Variants in OSBPL10 observed in about 807,000 individuals in gnomAD.
The protein encoded by OSBPL10 is oxysterol binding protein like 10.
In OSBPL10, 49 loss-of-function variants were observed where a neutral mutation model predicts 81.7. That is an observed-to-expected ratio of 0.60 (90% CI 0.48 to 0.76). The LOEUF (loss-of-function observed/expected upper bound fraction) is 0.76. Among genes scored for constraint, OSBPL10 ranks in the 30% least tolerant of loss-of-function variants. The pLI is 0.00. For missense variants in OSBPL10, 923 were observed against 987.8 expected, an observed-to-expected ratio of 0.93 and a Z score of 0.88; for synonymous variants, 419 against 383.6, an observed-to-expected ratio of 1.09 and a Z score of -1.08.
intron 1 of OSBPL10, among the ~76,000 whole-genome samples, chr3:32,071,114 T>C (rs967723123): frequency 6.6e-6 from 1 of 152,224 alleles, no homozygotes; most frequent in African/African-American, 2.4e-5. Context: ...ACATTTATTC[T>C]CCAAGGGATA....
Position 31,866,606 on chromosome 3 carries a change from C to T in OSBPL10, c.537+9827G>A, listed in dbSNP as rs140488483. On this transcript the variant is annotated intron_variant, in intron 3 of 11. Transcript: ENST00000396556. ...CCCCTACATGCTTGGGGAGTATAGA[C>T]GCCATGACAAAGGCGGGGGAGGAGA... 3.0e-4 allele frequency among the ~76,000 whole-genome samples: 46 copies of T among 152,234 alleles called. 1 individual carries two copies. The East Asian group carries it at 8.1e-3, about 27-fold the overall frequency.
At chr3:31,766,328 TG>T (rs1258897532) in intron 4 of OSBPL10, among the ~76,000 whole-genome samples, 4,129 of 126,792 alleles carry the variant, frequency 0.033, 305 homozygotes, top group Middle Eastern at 0.055. Context: ...GTAGTTTTTT[TG>T]TTTTTTTGTT....
intron 1 of OSBPL10, among the ~76,000 whole-genome samples, chr3:31,962,242 C>A (rs1266418854): frequency 6.6e-6 from 1 of 152,166 alleles, no homozygotes; most frequent in Non-Finnish European, 1.5e-5. Context: ...CAGGTGGGAG[C>A]CACCGCGCCT....
chr3:31,868,893 AT>A (rs1184575350), intron 3 of OSBPL10, among the ~76,000 whole-genome samples: 6 of 152,314 alleles, frequency 3.9e-5, no homozygotes, highest in African/African-American at 1.4e-4. Context: ...ACTTTTGTTG[AT>A]TTTGAATGAT....
intron 4 of OSBPL10, chr3:31,797,986 T>C (rs913061129): frequency 9.7e-6 from 3 of 310,706 alleles, no homozygotes; most frequent in African/African-American, 6.6e-5. Context: ...CGTTCCAAAC[T>C]CTGGGTCCGG....
intron 7 of OSBPL10, among the ~76,000 whole-genome samples, chr3:31,689,119 A>G (rs947628327): frequency 4.7e-5 from 7 of 148,236 alleles, no homozygotes; most frequent in African/African-American, 9.9e-5. Context: ...AACTATGAGG[A>G]AAAAAAAAAA....
chr3:32,058,942 G>A (rs1446157475), intron 1 of OSBPL10, among the ~76,000 whole-genome samples: 1 of 152,192 alleles, frequency 6.6e-6, no homozygotes, highest in African/African-American at 2.4e-5. Flanking sequence ...TCCTGCCTCA[G>A]CCTCCAGAGT....
intron 2 of OSBPL10, among the ~76,000 whole-genome samples, chr3:32,024,332 C>G (rs1699383914): frequency 6.6e-6 from 1 of 152,100 alleles, no homozygotes; most frequent in African/African-American, 2.4e-5. Context: ...AGTCTTCCAA[C>G]CCATCACATG....
In OSBPL10 at chr3:31,833,691, A is replaced by G. The variant is rs541375362; in HGVS notation, c.538-3460T>C. 4.0e-3 allele frequency among the ~76,000 whole-genome samples: 522 copies of G among 129,198 alleles called. 1 individual carries two copies. The highest frequency in any genetic ancestry group is 0.017 in the African/African-American group (495 of 28,400). 84.8% of individuals were successfully genotyped at this position (129,198 alleles called of 152,430 possible). On this transcript the variant is annotated intron_variant, in intron 3 of 11. Coordinates refer to ENST00000396556, the MANE Select transcript of OSBPL10 (RefSeq NM_017784.5). ...TAAATATCAAGATTGTAGGGAAAAC[A>G]CGCACACGCACACGCACACACACAC...
chr3:31,837,576 C>T (rs1170997461), intron 3 of OSBPL10, among the ~76,000 whole-genome samples: 1 of 149,896 alleles, frequency 6.7e-6, no homozygotes, highest in Non-Finnish European at 1.5e-5. Context: ...ATTCCACTAC[C>T]ACTGTTTCCT....
At chr3:32,010,140 ATT>A (rs11303839) in intron 2 of OSBPL10, among the ~76,000 whole-genome samples, 345 of 146,968 alleles carry the variant, frequency 2.3e-3, no homozygotes, top group African/African-American at 8.1e-3. Flanking sequence ...GAGGCTGCCC[ATT>A]TTTTTTTTTT....
chr3:31,878,566 G>A (rs1227473679), intron 2 of OSBPL10, among the ~76,000 whole-genome samples: 1 of 152,158 alleles, frequency 6.6e-6, no homozygotes, highest in African/African-American at 2.4e-5. Flanking sequence ...CATCTCTTGG[G>A]TAGTGAAGCT....
chr3:31,788,723 A>G (rs1392588734), intron 4 of OSBPL10, among the ~76,000 whole-genome samples: 1 of 152,118 alleles, frequency 6.6e-6, no homozygotes, highest in African/African-American at 2.4e-5. Flanking sequence ...GGTTGCATTG[A>G]GCTATGATGC....
At chr3:32,024,004 G>C (rs550462593) in intron 2 of OSBPL10, among the ~76,000 whole-genome samples, 2 of 152,286 alleles carry the variant, frequency 1.3e-5, no homozygotes, top group Non-Finnish European at 2.9e-5. Flanking sequence ...GGCTACAGTA[G>C]ACCATGGGTA....
chr3:31,850,378 A>C (rs961085658), intron 3 of OSBPL10, among the ~76,000 whole-genome samples: 1 of 152,134 alleles, frequency 6.6e-6, no homozygotes, highest in African/African-American at 2.4e-5. Flanking sequence ...AGTAAGTGAA[A>C]AATACAAACA....
intron 11 of OSBPL10, chr3:31,663,684 T>G (rs1211970376): frequency 9.2e-7 from 1 of 1,089,692 alleles, no homozygotes; most frequent in Non-Finnish European, 1.1e-6. Flanking sequence ...ACCCAGGTGT[T>G]GAGATGGCCT....
chr3:32,007,892 A>G (rs916343459), intron 2 of OSBPL10, among the ~76,000 whole-genome samples: 1 of 151,710 alleles, frequency 6.6e-6, no homozygotes, highest in African/African-American at 2.4e-5. Flanking sequence ...TTTAGTAGAG[A>G]CAGGGTTTCT....
Position 31,980,853 on chromosome 3 carries a change from A to G in OSBPL10, c.281+46T>C, listed in dbSNP as rs1229219976. The G allele has an allele frequency of 4.6e-6, 7 of 1,515,832 alleles. No homozygotes were observed. In the Admixed American group the frequency reaches 8.8e-5, roughly 19 times the overall value. The allele number at this position is 1,515,832 out of a possible 1,614,324, so 93.9% of individuals were successfully genotyped here. ...TACACACACGCACGCACACACACACACACACACACAGCGGCGCGCGGTGGC... is the reference window on the plus strand; with the variant it reads ...TACACACACGCACGCACACACACACGCACACACACAGCGGCGCGCGGTGGC... On this transcript the variant is annotated intron_variant, in intron 1 of 11. Coordinates refer to ENST00000396556, the MANE Select transcript of OSBPL10 (RefSeq NM_017784.5).
chr3:31,798,071 C>CA (rs1316917421), intron 4 of OSBPL10, among the ~76,000 whole-genome samples: 1 of 152,128 alleles, frequency 6.6e-6, no homozygotes, highest in Admixed American at 6.5e-5. Flanking sequence ...TAGCCTCCAG[C>CA]CATACATAGC....
Sources: allele counts gnomAD v4.1 joint callset (sites outside exome capture counted in the v4.1 genomes callset), GRCh38; gene constraint gnomAD v4.1.1; transcripts MANE v1.5; gene names NCBI Gene and HGNC (gene_info 2026-07-23, HGNC 2026-07-21).